The following GXYLT2 variants were observed in gnomAD, a reference collection of about 807,000 sequenced individuals.
The protein encoded by GXYLT2 is glycosyltransferase 8 domain containing 4.
Under a neutral mutation model 45.8 loss-of-function variants are expected in GXYLT2, and 53 were observed. That is an observed-to-expected ratio of 1.16 (90% CI 0.93 to 1.46). The LOEUF (loss-of-function observed/expected upper bound fraction) is 1.46. Among genes scored for constraint, GXYLT2 ranks in the 40% most tolerant of loss-of-function variants. The pLI is 0.00. For synonymous variants in GXYLT2, 219 were observed against 214.2 expected (o/e 1.02, Z -0.19); for missense variants, 551 against 544.4 (o/e 1.01, Z -0.12).
chr3:72,972,700 ATT>A (rs1711012656), intron 6 of GXYLT2, among the ~76,000 whole-genome samples: 1 of 148,712 alleles, frequency 6.7e-6, no homozygotes, highest in Non-Finnish European at 1.5e-5. Flanking sequence ...GACAATACTG[ATT>A]GAGAAAAAGA....
chr3:72,900,882 C>T (rs1400238716), intron 1 of GXYLT2, among the ~76,000 whole-genome samples: 2 of 151,900 alleles, frequency 1.3e-5, no homozygotes, highest in Non-Finnish European at 2.9e-5. Context: ...GGCCCAGGTA[C>T]GGTGGCTCAC....
At chr3:72,965,835 A>G (rs1710855966) in intron 5 of GXYLT2, among the ~76,000 whole-genome samples, 1 of 152,182 alleles carries the variant, frequency 6.6e-6, no homozygotes, top group Non-Finnish European at 1.5e-5. Context: ...TTGAGAACCA[A>G]CCAGGGTTTA....
chr3:72,966,807 G>A (rs1163687107), intron 5 of GXYLT2, among the ~76,000 whole-genome samples: 1 of 151,912 alleles, frequency 6.6e-6, no homozygotes, highest in African/African-American at 2.4e-5. Flanking sequence ...TGTATTTTTA[G>A]TAGAGACAGG....
chr3:72,938,919 A>G (rs556094885), intron 3 of GXYLT2, among the ~76,000 whole-genome samples: 6 of 152,218 alleles, frequency 3.9e-5, no homozygotes, highest in African/African-American at 1.4e-4. Flanking sequence ...TTGTTTGCAA[A>G]GACTAAACTG....
Position 72,925,682 on chromosome 3 carries a change from A to G in GXYLT2, c.600+3347A>G, listed in dbSNP as rs892002758. On this transcript the variant is annotated intron_variant, in intron 3 of 6. Transcript: ENST00000389617. ...TGTTGGGAAATGGTCTTCCCATTCTATCCAAAATATTAGCTACCCAATGGA... is the reference window on the plus strand; with the variant it reads ...TGTTGGGAAATGGTCTTCCCATTCTGTCCAAAATATTAGCTACCCAATGGA... Among the ~76,000 whole-genome samples, 5 of 152,212 alleles carry G rather than the reference A, an allele frequency of 3.3e-5. No individual in the cohort carries two copies. The East Asian group carries it at 5.8e-4, about 18-fold the overall frequency.
chr3:72,895,871 T>C (rs527294696), intron 1 of GXYLT2, among the ~76,000 whole-genome samples: 2 of 152,332 alleles, frequency 1.3e-5, no homozygotes, highest in African/African-American at 4.8e-5. Context: ...CCCCATCTCT[T>C]TTAGCAACAT....
At chr3:72,943,620 T>A (rs1710340926) in intron 3 of GXYLT2, among the ~76,000 whole-genome samples, 1 of 152,072 alleles carries the variant, frequency 6.6e-6, no homozygotes, top group Non-Finnish European at 1.5e-5. Context: ...CAAGTGATCC[T>A]CCTGCCTTGG....
chr3:72,907,620 AC>A (rs1253779619), intron 1 of GXYLT2, among the ~76,000 whole-genome samples: 1 of 151,788 alleles, frequency 6.6e-6, no homozygotes, highest in Non-Finnish European at 1.5e-5. Flanking sequence ...GGACCCTTGG[AC>A]CCTATCCCTC....
At chr3:72,973,643 G>A (rs1033229725) in intron 6 of GXYLT2, among the ~76,000 whole-genome samples, 2 of 152,200 alleles carry the variant, frequency 1.3e-5, no homozygotes, top group African/African-American at 4.8e-5. Context: ...GCAGGAAATG[G>A]GAAGAAGTCG....
intron 2 of GXYLT2, among the ~76,000 whole-genome samples, chr3:72,914,156 C>T (rs977887227): frequency 5.3e-5 from 8 of 152,054 alleles, no homozygotes; most frequent in Admixed American, 2.0e-4. Flanking sequence ...ATGCCAGTAC[C>T]GTCATGATTC....
intron 3 of GXYLT2, among the ~76,000 whole-genome samples, chr3:72,924,566 C>T (rs1709884967): frequency 1.3e-5 from 2 of 152,084 alleles, no homozygotes; most frequent in Non-Finnish European, 1.5e-5. Flanking sequence ...GTGGCATGTT[C>T]TAACTTGTGT....
chr3:72,961,659 CAA>C (rs771569626), intron 5 of GXYLT2, among the ~76,000 whole-genome samples: 26 of 94,800 alleles, frequency 2.7e-4, no homozygotes, highest in Admixed American at 1.5e-3. Context: ...GAATTCTTAG[CAA>C]AAAAAAAAAA....
chr3:72,891,825 T>C (rs1250431684), intron 1 of GXYLT2, among the ~76,000 whole-genome samples: 1 of 152,224 alleles, frequency 6.6e-6, no homozygotes, highest in Non-Finnish European at 1.5e-5. Flanking sequence ...AATTTAAGCC[T>C]GGCAGCCATT....
intron 1 of GXYLT2, among the ~76,000 whole-genome samples, chr3:72,905,878 T>C (rs1709501712): frequency 6.6e-6 from 1 of 152,242 alleles, no homozygotes; most frequent in African/African-American, 2.4e-5. Flanking sequence ...TGTACTTCCC[T>C]GATTACTAAG....
At position 72,973,479 on chromosome 3, in the gene GXYLT2, C is replaced by T. The variant is rs186803976; in HGVS notation, c.1150-1498C>T. 1.8e-4 allele frequency among the ~76,000 whole-genome samples: 28 copies of T among 152,272 alleles called. No individual in the cohort carries two copies. In the East Asian group the frequency reaches 3.3e-3, roughly 18 times the overall value. On this transcript the variant is annotated intron_variant, in intron 6 of 6. Coordinates refer to ENST00000389617, the MANE Select transcript of GXYLT2 (RefSeq NM_001080393.2). ...TTCTAATGGCAGTGGAAAGCCCCTT[C>T]GGGAAAGTGATAGGCTCTGATTTAT...
intron 1 of GXYLT2, among the ~76,000 whole-genome samples, chr3:72,895,650 TAAAAA>T (rs1181998567): frequency 1.3e-5 from 2 of 152,210 alleles, no homozygotes; most frequent in Admixed American, 6.5e-5. Context: ...TTACAAATAA[TAAAAA>T]GAAAAGAGAC....
In GXYLT2 at chr3:72,966,974, G is replaced by A. The variant is rs537210986; in HGVS notation, c.977-573G>A. On this transcript the variant is annotated intron_variant, in intron 5 of 6. Coordinates refer to ENST00000389617, the MANE Select transcript of GXYLT2 (RefSeq NM_001080393.2). ...ATGGAGACAGGGGTCTTGCTATGTT[G>A]CCCAAGCTGTTCTCAAACTCCTGAC... Among the ~76,000 whole-genome samples, 9 of 152,192 alleles carry A rather than the reference G, an allele frequency of 5.9e-5. No homozygotes were observed. In the East Asian group the frequency reaches 1.2e-3, roughly 20 times the overall value.
intron 6 of GXYLT2, among the ~76,000 whole-genome samples, chr3:72,970,834 C>T (rs1275707584): frequency 6.6e-6 from 1 of 152,166 alleles, no homozygotes; most frequent in African/African-American, 2.4e-5. Flanking sequence ...TGCACTCCAG[C>T]CTGGGCAACA....
At chr3:72,953,516 C>T (rs923613587) in intron 3 of GXYLT2, among the ~76,000 whole-genome samples, 1 of 152,068 alleles carries the variant, frequency 6.6e-6, no homozygotes, top group African/African-American at 2.4e-5. Flanking sequence ...TCTTGAACTC[C>T]TGGGCTCAAG....
Sources: gnomAD v4.1 joint callset for allele counts (sites outside exome capture counted in the v4.1 genomes callset) on GRCh38, gnomAD v4.1.1 for gene constraint, MANE v1.5 for transcripts, NCBI Gene and HGNC (gene_info 2026-07-23, HGNC 2026-07-21) for gene names.